COL11A1: variants seen among roughly 807,000 people sequenced by gnomAD.
The protein encoded by COL11A1 is collagen alpha-1(XI) chain.
In COL11A1, 74 loss-of-function variants were observed where a neutral mutation model predicts 265.2. That is an observed-to-expected ratio of 0.28 (90% CI 0.23 to 0.34). The LOEUF is 0.34. COL11A1 is among the 10% of genes least tolerant of loss of function. The pLI is 1.00. For missense variants in COL11A1, 2,165 were observed against 2,263.6 expected, an observed-to-expected ratio of 0.96 and a Z score of 0.88; for synonymous variants, 816 against 727.6, an observed-to-expected ratio of 1.12 and a Z score of -1.96.
At chr1:103,107,802 T>C (rs1674826710) in intron 1 of COL11A1, among the ~76,000 whole-genome samples, 1 of 152,090 alleles carries the variant, frequency 6.6e-6, no homozygotes, top group South Asian at 2.1e-4. Context: ...GGCTGGAAAG[T>C]GGTGAAGGGC....
Position 102,914,823 on chromosome 1 carries a change from T to TAAAAAAAA in COL11A1, c.3817-20_3817-13dup. The TAAAAAAAA allele has an allele frequency of 7.9e-7, 1 of 1,268,952 alleles. No individual in the cohort carries two copies. Among genetic ancestry groups the TAAAAAAAA allele is most frequent in the Non-Finnish European group, 1.1e-6 (1 of 903,428 alleles). The allele number at this position is 1,268,952 out of a possible 1,614,324, so 78.6% of individuals were successfully genotyped here. ...TCTCCTTTGGGACCCTAAACAATGT[T>TAAAAAAAA]AAAAAAAAAAAAAGAAGAAGAAGGA... On this transcript the variant is annotated splice_polypyrimidine_tract_variant and intron_variant, in intron 50 of 66. Transcript: ENST00000370096.
chr1:103,080,553 C>T (rs867292540), intron 2 of COL11A1, among the ~76,000 whole-genome samples: 14 of 151,572 alleles, frequency 9.2e-5, no homozygotes, highest in East Asian at 1.9e-4. Flanking sequence ...AAATGGCTAA[C>T]GGGTATATGA....
At chr1:102,992,761 T>A (rs747876944) in intron 28 of COL11A1, among the ~76,000 whole-genome samples, 29 of 152,040 alleles carry the variant, frequency 1.9e-4, no homozygotes, top group Non-Finnish European at 3.5e-4. Context: ...ACCTTTAAAT[T>A]TTTTTAGGGA....
intron 46 of COL11A1, among the ~76,000 whole-genome samples, chr1:102,925,503 G>A (rs1326767037): frequency 6.6e-6 from 1 of 151,954 alleles, no homozygotes; most frequent in East Asian, 1.9e-4. Flanking sequence ...ATATGTACCA[G>A]AATTTCATTT....
chr1:102,922,643 C>T (rs1656119734), intron 47 of COL11A1, among the ~76,000 whole-genome samples: 4 of 152,196 alleles, frequency 2.6e-5, no homozygotes, highest in African/African-American at 9.6e-5. Flanking sequence ...TCGTGATCCG[C>T]CCGCCTCGGC....
chr1:103,100,074 A>C (rs752493297), intron 1 of COL11A1: 1 of 151,932 alleles, frequency 6.6e-6, no homozygotes, highest in Non-Finnish European at 1.5e-5. Flanking sequence ...ACTAGATCAC[A>C]GTCACTACCC....
chr1:102,930,788 C>T (rs1488298252), intron 46 of COL11A1, among the ~76,000 whole-genome samples: 4 of 151,394 alleles, frequency 2.6e-5, no homozygotes, highest in Admixed American at 6.6e-5. Context: ...TTGGTCTATT[C>T]AGAGATTCAA....
chr1:102,970,582 A>G (rs981888148), intron 36 of COL11A1, among the ~76,000 whole-genome samples: 1 of 152,150 alleles, frequency 6.6e-6, no homozygotes, highest in East Asian at 1.9e-4. Flanking sequence ...TGTGAAAAAT[A>G]TTACTTCTTT....
At chr1:102,897,278 G>A (rs1157252152) in intron 57 of COL11A1, among the ~76,000 whole-genome samples, 1 of 151,780 alleles carries the variant, frequency 6.6e-6, no homozygotes, top group Non-Finnish European at 1.5e-5. Flanking sequence ...ATATATTTAT[G>A]ATAAAAGGCA....
chr1:102,931,851 CTTCT>C (rs1431796028), intron 46 of COL11A1, among the ~76,000 whole-genome samples: 18 of 151,208 alleles, frequency 1.2e-4, no homozygotes, highest in African/African-American at 4.1e-4. Context: ...ATGTAATGGC[CTTCT>C]TTGTCTCTTT....
intron 54 of COL11A1, among the ~76,000 whole-genome samples, chr1:102,902,877 C>CATAT (rs60305543): frequency 6.6e-6 from 1 of 150,558 alleles, no homozygotes; most frequent in African/African-American, 2.4e-5. Context: ...GGTACACACA[C>CATAT]ATATATATAT....
intron 4 of COL11A1, among the ~76,000 whole-genome samples, chr1:103,055,868 T>C (rs116089049): frequency 6.6e-6 from 1 of 152,274 alleles, no homozygotes; most frequent in Non-Finnish European, 1.5e-5. Flanking sequence ...CGTTCGTATC[T>C]TGGGAAAGCC....
intron 3 of COL11A1, 101 bp from the exon 4 acceptor site, chr1:103,074,881 G>A: frequency 7.4e-7 from 1 of 1,351,752 alleles, no homozygotes; most frequent in Non-Finnish European, 1.0e-6. Context: ...ATAAAAATGA[G>A]CTAAAATCAT....
At chr1:103,053,883 T>A (rs1670027153) in intron 4 of COL11A1, among the ~76,000 whole-genome samples, 1 of 152,238 alleles carries the variant, frequency 6.6e-6, no homozygotes, top group South Asian at 2.1e-4. Flanking sequence ...TGACTATTTC[T>A]TCACGAAAAC....
chr1:103,018,692 G>C (rs1173439800), intron 10 of COL11A1, 126 bp downstream of exon 10: 9 of 769,724 alleles, frequency 1.2e-5, no homozygotes, highest in Non-Finnish European at 1.3e-5. Flanking sequence ...CAGCTCCTCT[G>C]AACAAATGTT....
chr1:102,922,746 T>C (rs1656138170), intron 47 of COL11A1, among the ~76,000 whole-genome samples: 1 of 152,190 alleles, frequency 6.6e-6, no homozygotes, highest in African/African-American at 2.4e-5. Context: ...TTAATGATGA[T>C]ATGGATCATT....
rs1570630126 is a variant in COL11A1 at position 102,887,004 on chromosome 1, G to GT, written c.4660dup (p.Thr1554AsnfsTer6). On this transcript the variant is annotated frameshift_variant, in exon 63 of 67. Coordinates refer to ENST00000370096, the MANE Select transcript of COL11A1 (RefSeq NM_001854.4). LOFTEE classifies it high-confidence loss of function. ...TTGCATGCCTTCAGTATGTCTTCTC[G>GT]TTTTTTTGGAGGACAAGATTGGTAA... The GT allele has an allele frequency of 1.9e-6, 3 of 1,613,678 alleles. No homozygotes were observed. The highest frequency in any genetic ancestry group is 1.7e-6 in the Non-Finnish European group (2 of 1,179,792).
chr1:102,945,860 A>C (rs974477047), intron 42 of COL11A1, among the ~76,000 whole-genome samples: 7 of 152,076 alleles, frequency 4.6e-5, no homozygotes, highest in Non-Finnish European at 1.0e-4. Context: ...TCATGCTGCC[A>C]TAAAGACACA....
In COL11A1 at chr1:102,910,393, T is replaced by C. The variant is rs375897823; in HGVS notation, c.4086+1766A>G. Among the ~76,000 whole-genome samples the C allele has an allele frequency of 3.3e-5, 5 of 152,214 alleles. No homozygotes were observed. The East Asian group carries it at 5.8e-4, about 18-fold the overall frequency. ...AATATAAATATGTACTTTTTTGACA[T>C]ATTTTAAAATGAAACTAGACTAGAT... On this transcript the variant is annotated intron_variant, in intron 54 of 66. Transcript: ENST00000370096.
Sources: allele counts gnomAD v4.1 joint callset (sites outside exome capture counted in the v4.1 genomes callset), GRCh38; gene constraint gnomAD v4.1.1; transcripts MANE v1.5; gene names NCBI Gene and HGNC (gene_info 2026-07-23, HGNC 2026-07-21).